The following MALRD1 variants were observed in gnomAD, a reference collection of about 807,000 sequenced individuals.
MALRD1 encodes the protein MAM and LDL receptor class A domain containing 1.
A neutral mutation model predicts 242.1 loss-of-function variants in MALRD1; 247 were observed. The ratio of observed to expected loss-of-function variants is 1.02; its 90% CI spans 0.92 to 1.13. MALRD1 has a LOEUF of 1.13. Among genes scored for constraint, MALRD1 ranks in the 50% most tolerant of loss-of-function variants. The probability of loss-of-function intolerance (pLI) is 0.00; values close to 1 mark genes in which losing one functional copy is unlikely to be tolerated. For synonymous variants in MALRD1, 995 were observed against 866.6 expected (o/e 1.15, Z -2.60); for missense variants, 2,989 against 2,533.1 (o/e 1.18, Z -3.86).
At position 19,439,530 on chromosome 10, in the gene MALRD1, C is replaced by T. The variant is rs1479557958; in HGVS notation, c.4846-10777C>T. Among the ~76,000 whole-genome samples the T allele has an allele frequency of 2.2e-4, 23 of 103,186 alleles. 1 individual carries two copies. The highest frequency in any genetic ancestry group is 2.1e-3 in the Admixed American group (23 of 10,848). 67.7% of individuals were successfully genotyped at this position (103,186 alleles called of 152,430 possible). ...GCTAGGCTGGGCAACAAAGCAAGACCCTGTCTCAAAAAAAAAGTGGGGGAT... is the reference window on the plus strand; with the variant it reads ...GCTAGGCTGGGCAACAAAGCAAGACTCTGTCTCAAAAAAAAAGTGGGGGAT... On this transcript the variant is annotated intron_variant, in intron 28 of 39. Transcript: ENST00000454679.
At chr10:19,214,931 T>A (rs1440430831) in intron 18 of MALRD1, among the ~76,000 whole-genome samples, 1 of 152,192 alleles carries the variant, frequency 6.6e-6, no homozygotes, top group African/African-American at 2.4e-5. Context: ...ACTAAAACTT[T>A]GGCTAACTTA....
At chr10:19,113,645 C>A (rs1158624247) in intron 5 of MALRD1, among the ~76,000 whole-genome samples, 1 of 151,244 alleles carries the variant, frequency 6.6e-6, no homozygotes, top group African/African-American at 2.4e-5. Context: ...CCTTTTCTTT[C>A]TTTCTTTCTT....
chr10:19,119,327 C>T (rs1350535713), intron 5 of MALRD1, among the ~76,000 whole-genome samples: 1 of 152,170 alleles, frequency 6.6e-6, no homozygotes, highest in Admixed American at 6.5e-5. Context: ...AGAGCCAATT[C>T]ATCAAGATGG....
chr10:19,617,596 CT>C (rs755449265), intron 36 of MALRD1, among the ~76,000 whole-genome samples: 3 of 151,870 alleles, frequency 2.0e-5, no homozygotes, highest in Non-Finnish European at 4.4e-5. Flanking sequence ...TGTCATGAGT[CT>C]TTTTAAAATA....
intron 20 of MALRD1, among the ~76,000 whole-genome samples, chr10:19,282,072 C>T (rs1305538529): frequency 6.6e-6 from 1 of 151,478 alleles, no homozygotes; most frequent in Non-Finnish European, 1.5e-5. Context: ...TATTGTACAG[C>T]AGATCCCTAG....
At chr10:19,532,741 G>A (rs1834479913) in intron 32 of MALRD1, among the ~76,000 whole-genome samples, 1 of 46,494 alleles carries the variant, frequency 2.2e-5, no homozygotes, top group Admixed American at 2.7e-4. Flanking sequence ...AATTTATCCT[G>A]ACTCTGTGTC....
intron 11 of MALRD1, 87 bp downstream of exon 11, chr10:19,146,431 G>T: frequency 9.0e-7 from 1 of 1,107,430 alleles, no homozygotes; most frequent in Non-Finnish European, 1.1e-6. Flanking sequence ...TTTCTATTCT[G>T]TAGACTGTAT....
intron 29 of MALRD1, among the ~76,000 whole-genome samples, chr10:19,485,674 A>G (rs1390081182): frequency 6.6e-6 from 1 of 151,776 alleles, no homozygotes; most frequent in Non-Finnish European, 1.5e-5. Context: ...AATAATAATA[A>G]AATAGATCAG....
At chr10:19,432,801 T>G (rs1276108205) in intron 28 of MALRD1, among the ~76,000 whole-genome samples, 1 of 152,236 alleles carries the variant, frequency 6.6e-6, no homozygotes, top group East Asian at 1.9e-4. Context: ...TTTCTGTAAT[T>G]CCAATGATTG....
chr10:19,540,467 A>G (rs1834915355), intron 32 of MALRD1, among the ~76,000 whole-genome samples: 1 of 152,198 alleles, frequency 6.6e-6, no homozygotes, highest in Non-Finnish European at 1.5e-5. Context: ...AATATGAATA[A>G]GGAACCAATG....
chr10:19,348,130 G>C, intron 25 of MALRD1, 112 bp downstream of exon 25: 1 of 1,349,958 alleles, frequency 7.4e-7, no homozygotes, highest in Non-Finnish European at 9.9e-7. Context: ...AGATGAGTTT[G>C]AATTTATTCA....
At chr10:19,270,369 C>G (rs1840170989) in intron 19 of MALRD1, among the ~76,000 whole-genome samples, 1 of 150,026 alleles carries the variant, frequency 6.7e-6, no homozygotes, top group Non-Finnish European at 1.5e-5. Context: ...CACACACACA[C>G]ACACACACCA....
chr10:19,162,188 T>C (rs375845488), intron 12 of MALRD1, among the ~76,000 whole-genome samples: 17 of 152,362 alleles, frequency 1.1e-4, no homozygotes, highest in South Asian at 8.3e-4. Flanking sequence ...ATGTTCATTT[T>C]CTTTTGCCAC....
chr10:19,415,840 T>C (rs149237303), intron 28 of MALRD1, among the ~76,000 whole-genome samples: 125 of 152,322 alleles, frequency 8.2e-4, no homozygotes, highest in Middle Eastern at 6.8e-3. Flanking sequence ...CTCTAGACAG[T>C]AAATCTTTGT....
In MALRD1 at chr10:19,352,255, C is replaced by A. The variant is rs994076507; in HGVS notation, c.4399C>A (p.His1467Asn). The change falls in exon 26 of 40, where the codon CAT (histidine) becomes AAT (asparagine). Residue 1467 changes from histidine (H) to asparagine (N), a missense_variant. Physicochemically the swap from His to Asn is moderately conservative, Grantham distance 68 (BLOSUM62 1). Transcript: ENST00000454679. Reference sequence around the variant, plus strand: ...GCTTACAGAAAATTGTCTATCACTCCATGATTCCGTGCAAGAAGAACTGGC... The same window carrying A: ...GCTTACAGAAAATTGTCTATCACTCAATGATTCCGTGCAAGAAGAACTGGC... ...IVLTENCLSL[H>N]DSVQEELAVP... 13 of 1,550,192 alleles carry A rather than the reference C, an allele frequency of 8.4e-6. No homozygotes were observed. In the Admixed American group the frequency reaches 2.6e-4, roughly 30 times the overall value.
chr10:19,312,578 A>G (rs1484826523), intron 21 of MALRD1, among the ~76,000 whole-genome samples: 4 of 151,288 alleles, frequency 2.6e-5, no homozygotes, highest in Non-Finnish European at 4.4e-5. Context: ...TTTTAAACAC[A>G]AGATACTTTT....
intron 2 of MALRD1, among the ~76,000 whole-genome samples, chr10:19,083,662 A>G (rs1835566512): frequency 6.6e-6 from 1 of 151,992 alleles, no homozygotes. Context: ...TTTGAGAATG[A>G]GGCTTTGAAA....
At chr10:19,733,646 T>C (rs1261335863) in intron 39 of MALRD1, among the ~76,000 whole-genome samples, 1 of 150,504 alleles carries the variant, frequency 6.6e-6, no homozygotes, top group Admixed American at 6.6e-5. Flanking sequence ...TATTTTTTTT[T>C]CTTGCACATT....
intron 28 of MALRD1, among the ~76,000 whole-genome samples, chr10:19,401,699 C>G (rs1846853697): frequency 1.3e-5 from 2 of 152,004 alleles, no homozygotes; most frequent in Middle Eastern, 3.4e-3. Context: ...TCTCGTGGCT[C>G]AAGTTCACAC....
Sources: allele counts gnomAD v4.1 joint callset (sites outside exome capture counted in the v4.1 genomes callset), GRCh38; gene constraint gnomAD v4.1.1; transcripts MANE v1.5; gene names NCBI Gene and HGNC (gene_info 2026-07-23, HGNC 2026-07-21).